MICOS10: variants seen among roughly 807,000 people sequenced by gnomAD.
MICOS10 encodes the protein mitochondrial contact site and cristae organizing system subunit 10.
Under a neutral mutation model 13.4 loss-of-function variants are expected in MICOS10, and 5 were observed. The ratio of observed to expected loss-of-function variants is 0.37; its 90% confidence interval spans 0.20 to 0.78. MICOS10 has a LOEUF of 0.78. Ranked by LOEUF, MICOS10 falls within the 30% of genes least tolerant of loss-of-function variation. MICOS10 has a pLI of 0.47. For missense variants in MICOS10, 101 were observed against 94.6 expected, an observed-to-expected ratio of 1.07 and a Z score of -0.28; for synonymous variants, 35 against 33.6, an observed-to-expected ratio of 1.04 and a Z score of -0.15.
At chr1:19,598,548 G>A (rs991744870) in intron 1 of MICOS10, among the ~76,000 whole-genome samples, 4 of 151,922 alleles carry the variant, frequency 2.6e-5, no homozygotes, top group Non-Finnish European at 4.4e-5. Flanking sequence ...AGGCCGAGGC[G>A]GGAGGATCGC....
chr1:19,624,071 A>G (rs567092044), intron 3 of MICOS10, among the ~76,000 whole-genome samples: 19 of 152,190 alleles, frequency 1.2e-4, no homozygotes, highest in African/African-American at 4.1e-4. Flanking sequence ...GCTCACTGCA[A>G]CCGGGTTCAA....
Position 19,626,368 on chromosome 1 carries a change from G to T in MICOS10, c.223-19G>T. The T allele has an allele frequency of 6.2e-7, 1 of 1,613,972 alleles. No individual in the cohort carries two copies. ...AATGCCGTCTGCACAGTTTTAAGCT[G>T]AATGTCCTTGCTTTACAGGAGCAGG... On this transcript the variant is annotated intron_variant, in intron 3 of 3. Coordinates refer to ENST00000322753, the MANE Select transcript of MICOS10 (RefSeq NM_001032363.4).
chr1:19,606,602 T>C (rs924275405), intron 1 of MICOS10, among the ~76,000 whole-genome samples: 1 of 152,020 alleles, frequency 6.6e-6, no homozygotes, highest in Admixed American at 6.6e-5. Flanking sequence ...AAAAATTGGC[T>C]GAGTGTGGTG....
In MICOS10 at chr1:19,596,997, G is replaced by A. The variant is rs746410426; in HGVS notation, c.-49G>A. On this transcript the variant is annotated 5_prime_UTR_variant, in exon 1 of 4. Transcript: ENST00000322753. ...AGCTCTCGCGAGACTTTCAGGGGTC[G>A]GAGCGCGGGGGCCGGCCGAGAGGAA... is the stretch of plus-strand genomic sequence containing the variant. 1.3e-6 allele frequency: 2 copies of A among 1,550,716 alleles called. No homozygotes were observed. Among genetic ancestry groups the A allele is most frequent in the Non-Finnish European group, 1.7e-6 (2 of 1,151,820 alleles).
At chr1:19,615,603 C>T (rs1222914092) in intron 1 of MICOS10, among the ~76,000 whole-genome samples, 2 of 150,148 alleles carry the variant, frequency 1.3e-5, no homozygotes, top group Non-Finnish European at 3.0e-5. Context: ...GACAGAGTCT[C>T]GCTTTGTTGC....
chr1:19,626,395 G>A lies in MICOS10; in HGVS notation c.231G>A (p.Glu77=). Residue 77 remains glutamate, a synonymous_variant, in exon 4 of 4, where the codon GAG becomes GAA. Coordinates refer to ENST00000322753, the MANE Select transcript of MICOS10 (RefSeq NM_001032363.4). The part of the protein sequence containing the change: ...LLHGKYVKEQ[E]Q ...ATGTCCTTGCTTTACAGGAGCAGGAGCAGTGACTTCACCTGAGAACATCCC... is the reference window on the plus strand; with the variant it reads ...ATGTCCTTGCTTTACAGGAGCAGGAACAGTGACTTCACCTGAGAACATCCC... 6.2e-7 allele frequency: 1 copy of A among 1,613,980 alleles called. No individual in the cohort carries two copies. Among genetic ancestry groups the A allele is most frequent in the Non-Finnish European group, 8.5e-7 (1 of 1,179,860 alleles).
chr1:19,600,146 T>C (rs1324347371), intron 1 of MICOS10, among the ~76,000 whole-genome samples: 2 of 152,150 alleles, frequency 1.3e-5, no homozygotes, highest in Non-Finnish European at 2.9e-5. Flanking sequence ...TTAGTATGAT[T>C]GTTCTGGCAG....
At chr1:19,600,318 C>T (rs777011409) in intron 1 of MICOS10, among the ~76,000 whole-genome samples, 1 of 149,116 alleles carries the variant, frequency 6.7e-6, no homozygotes, top group Non-Finnish European at 1.5e-5. Context: ...AGAGAGAGGG[C>T]GGAAGAGAGA....
chr1:19,623,628 T>G, intron 3 of MICOS10, 45 bp downstream of exon 3: 1 of 1,382,888 alleles, frequency 7.2e-7, no homozygotes, highest in South Asian at 1.2e-5. Flanking sequence ...AAGAAAAAGA[T>G]TTCTCCTGAG....
intron 1 of MICOS10, chr1:19,601,076 A>G: frequency 8.4e-7 from 1 of 1,183,842 alleles, no homozygotes; most frequent in Non-Finnish European, 1.1e-6. Context: ...TATTATAATC[A>G]CTCGTGTTTA....
chr1:19,620,727 A>G (rs2094900282), intron 1 of MICOS10, among the ~76,000 whole-genome samples: 1 of 152,194 alleles, frequency 6.6e-6, no homozygotes, highest in Non-Finnish European at 1.5e-5. Context: ...TCTACTTGAT[A>G]TTGATGGATG....
intron 3 of MICOS10, 81 bp from the exon 4 acceptor site, chr1:19,626,306 G>T (rs2094921869): frequency 3.8e-6 from 6 of 1,577,294 alleles, no homozygotes; most frequent in Non-Finnish European, 5.2e-6. Context: ...TGGCCCTTTG[G>T]GTCTGACCTG....
intron 1 of MICOS10, among the ~76,000 whole-genome samples, chr1:19,607,584 T>A (rs1006085785): frequency 6.6e-6 from 1 of 152,242 alleles, no homozygotes; most frequent in Non-Finnish European, 1.5e-5. Flanking sequence ...CTAACATTAA[T>A]TGAATGCCTA....
chr1:19,608,766 C>A, intron 1 of MICOS10: 3 of 480,868 alleles, frequency 6.2e-6, no homozygotes, highest in South Asian at 4.7e-5. Context: ...TTGAATGGCA[C>A]CATTAAGAAA....
rs2094930015 is a variant in MICOS10, at chr1:19,628,806, A to C, written c.*2405A>C. The C allele has an allele frequency of 6.6e-6, 1 of 152,200 alleles. No homozygotes were observed. Among genetic ancestry groups the C allele is most frequent in the Non-Finnish European group, 1.5e-5 (1 of 68,048 alleles). 9.4% of individuals were successfully genotyped at this position (152,200 alleles called of 1,614,324 possible). A position where few individuals can be genotyped will look rare whatever the true frequency, so the allele number is the denominator to read the frequency against. ...AAAGACAAAACACAAGGTAGCCACA[A>C]ATTCCCTAGACACATTAGAAAAATA... On this transcript the variant is annotated 3_prime_UTR_variant, in exon 4 of 4. Transcript: ENST00000322753.
rs762607699 is a variant in MICOS10 at position 19,597,007 on chromosome 1, G to T, written c.-39G>T. 2 of 1,568,570 alleles carry T rather than the reference G, an allele frequency of 1.3e-6. No homozygotes were observed. Among genetic ancestry groups the T allele is most frequent in the Non-Finnish European group, 1.7e-6 (2 of 1,160,974 alleles). ...AGACTTTCAGGGGTCGGAGCGCGGG[G>T]GCCGGCCGAGAGGAAAGCTGGAGGC... On this transcript the variant is annotated 5_prime_UTR_variant, in exon 1 of 4. Coordinates refer to ENST00000322753, the MANE Select transcript of MICOS10 (RefSeq NM_001032363.4).
rs931593955 is a variant in MICOS10, at chr1:19,628,703, C to T, written c.*2302C>T. Reference sequence around the variant, plus strand: ...CTCAAAAAAAAAAAAAAAAAAAAAGCATTTTCCTTCCCCAATTTTTCTGTC... The same window carrying T: ...CTCAAAAAAAAAAAAAAAAAAAAAGTATTTTCCTTCCCCAATTTTTCTGTC... On this transcript the variant is annotated 3_prime_UTR_variant, in exon 4 of 4. Coordinates refer to ENST00000322753, the MANE Select transcript of MICOS10 (RefSeq NM_001032363.4). The T allele has an allele frequency of 7.8e-6, 1 of 128,360 alleles. No individual in the cohort carries two copies. The highest frequency in any genetic ancestry group is 1.6e-5 in the Non-Finnish European group (1 of 63,050). The allele number at this position is 128,360 out of a possible 1,614,324, so 8.0% of individuals were successfully genotyped here.
At chr1:19,609,352 T>C (rs2792047) in intron 1 of MICOS10, among the ~76,000 whole-genome samples, 16,643 of 152,150 alleles carry the variant, frequency 0.11, 3,080 homozygotes, top group African/African-American at 0.38. Context: ...TACTAAGTGT[T>C]AATTAAGCTG....
chr1:19,610,645 GAT>G (rs752979649), intron 1 of MICOS10, among the ~76,000 whole-genome samples: 2 of 151,874 alleles, frequency 1.3e-5, no homozygotes, highest in Non-Finnish European at 2.9e-5. Context: ...AAGCCATTAG[GAT>G]GCTTAGGATA....
Sources: gnomAD v4.1 joint callset for allele counts (sites outside exome capture counted in the v4.1 genomes callset) on GRCh38, gnomAD v4.1.1 for gene constraint, MANE v1.5 for transcripts, NCBI Gene and HGNC (gene_info 2026-07-23, HGNC 2026-07-21) for gene names.